The following ACTN4 variants were observed in gnomAD, a reference collection of about 807,000 sequenced individuals.
ACTN4 encodes actinin alpha 4.
A neutral mutation model predicts 114.2 loss-of-function variants in ACTN4; 18 were observed. That is an observed-to-expected ratio of 0.16 (90% CI 0.11 to 0.23). ACTN4 has a LOEUF of 0.23. Among genes scored for constraint, ACTN4 ranks in the 10% least tolerant of loss-of-function variants. ACTN4 has a pLI of 1.00. For missense variants in ACTN4, 722 were observed against 1,262.9 expected (o/e 0.57, Z 6.49); for synonymous variants, 515 against 506.3 (o/e 1.02, Z -0.23).
intron 1 of ACTN4, among the ~76,000 whole-genome samples, chr19:38,673,517 T>TTATATATATTTA (rs1967219627): frequency 3.7e-5 from 3 of 80,392 alleles, no homozygotes; most frequent in African/African-American, 8.4e-5. Context: ...GAATATATAT[T>TTATATATATTTA]TATATATATT....
intron 11 of ACTN4, among the ~76,000 whole-genome samples, chr19:38,719,918 C>T (rs1280719569): frequency 6.6e-6 from 1 of 152,332 alleles, no homozygotes; most frequent in East Asian, 1.9e-4. Context: ...GCTCAGTCTC[C>T]GGCCAGGGCC....
At chr19:38,662,413 G>A (rs1976915829) in intron 1 of ACTN4, among the ~76,000 whole-genome samples, 1 of 152,224 alleles carries the variant, frequency 6.6e-6, no homozygotes, top group Non-Finnish European at 1.5e-5. Context: ...CGTGGGTAGA[G>A]TATAACGGAG....
chr19:38,659,411 T>C (rs960017966), intron 1 of ACTN4, among the ~76,000 whole-genome samples: 3 of 152,112 alleles, frequency 2.0e-5, no homozygotes, highest in Non-Finnish European at 2.9e-5. Context: ...TAGAATTGAA[T>C]CCATTGAGAG....
At position 38,729,631 on chromosome 19, in the gene ACTN4, T is replaced by C. The variant is rs898950982; in HGVS notation, c.*199T>C. The C allele has an allele frequency of 1.0e-5, 8 of 763,136 alleles. No homozygotes were observed. Among genetic ancestry groups the C allele is most frequent in the Middle Eastern group, 2.8e-4 (1 of 3,554 alleles). The allele number at this position is 763,136 out of a possible 1,614,324, so 47.3% of individuals were successfully genotyped here. ...TGGCCAGGAGGTTCCCCCGACCAGG[T>C]TGGGGAGACTTGGGGCCAGCGCTTC... On this transcript the variant is annotated 3_prime_UTR_variant, in exon 21 of 21. Coordinates refer to ENST00000252699, the MANE Select transcript of ACTN4 (RefSeq NM_004924.6).
intron 1 of ACTN4, among the ~76,000 whole-genome samples, chr19:38,679,480 C>G (rs981440824): frequency 2.0e-5 from 3 of 152,130 alleles, no homozygotes; most frequent in Non-Finnish European, 4.4e-5. Flanking sequence ...CAGTGATTAT[C>G]AGCATTTTGC....
rs754130380 is a variant in ACTN4, at chr19:38,700,990, T to G, written c.278-12T>G. ...TGTCTCGCCCCCTCTTTTCTCTTTGTGCACTTCTCAGGGGAGCGGTTACCT... is the reference window on the plus strand; with the variant it reads ...TGTCTCGCCCCCTCTTTTCTCTTTGGGCACTTCTCAGGGGAGCGGTTACCT... On this transcript the variant is annotated splice_polypyrimidine_tract_variant and intron_variant, in intron 2 of 20. Coordinates refer to ENST00000252699, the MANE Select transcript of ACTN4 (RefSeq NM_004924.6). 79 of 1,613,290 alleles carry G rather than the reference T, an allele frequency of 4.9e-5. No homozygotes were observed. The Admixed American group carries it at 1.3e-3, about 27-fold the overall frequency.
intron 1 of ACTN4, among the ~76,000 whole-genome samples, chr19:38,656,250 C>T (rs556190995): frequency 6.6e-6 from 1 of 152,232 alleles, no homozygotes; most frequent in South Asian, 2.1e-4. Flanking sequence ...GTAGCTGGGA[C>T]TAGAGGTGCA....
intron 1 of ACTN4, among the ~76,000 whole-genome samples, chr19:38,650,839 G>A (rs943941875): frequency 3.9e-5 from 6 of 152,146 alleles, no homozygotes; most frequent in Non-Finnish European, 8.8e-5. Context: ...GGGTTCAAGC[G>A]ATTCTCCTGC....
intron 11 of ACTN4, among the ~76,000 whole-genome samples, chr19:38,721,073 C>G (rs1969022952): frequency 6.6e-6 from 1 of 152,210 alleles, no homozygotes; most frequent in Non-Finnish European, 1.5e-5. Flanking sequence ...GTGGAGAGGA[C>G]CACCACCTGT....
chr19:38,656,588 T>A (rs1976717173), intron 1 of ACTN4, among the ~76,000 whole-genome samples: 1 of 152,204 alleles, frequency 6.6e-6, no homozygotes, highest in Non-Finnish European at 1.5e-5. Flanking sequence ...ACTATCCACA[T>A]GGGGCAGAAG....
chr19:38,677,487 A>C (rs905482578), intron 1 of ACTN4, among the ~76,000 whole-genome samples: 5 of 152,024 alleles, frequency 3.3e-5, no homozygotes, highest in Admixed American at 2.0e-4. Context: ...TGGCAGATCC[A>C]TTCTGTCTTT....
At chr19:38,728,494 CG>C in intron 19 of ACTN4, 1 of 757,222 alleles carries the variant, frequency 1.3e-6, no homozygotes. Context: ...TCCTCGTCCT[CG>C]GGGACACTCC....
intron 8 of ACTN4, chr19:38,711,261 T>C (rs750666992): frequency 1.2e-5 from 12 of 1,002,148 alleles, no homozygotes; most frequent in Admixed American, 5.5e-5. Context: ...TCTCTTTCTC[T>C]CTCTCTCTGT....
intron 1 of ACTN4, among the ~76,000 whole-genome samples, chr19:38,648,739 G>A (rs1225472158): frequency 6.6e-6 from 1 of 151,914 alleles, no homozygotes; most frequent in Admixed American, 6.6e-5. Context: ...AAGAGGAATT[G>A]ATGAGGGATG....
intron 1 of ACTN4, among the ~76,000 whole-genome samples, chr19:38,676,248 A>G (rs541212359): frequency 9.8e-5 from 15 of 152,330 alleles, no homozygotes; most frequent in African/African-American, 3.6e-4. Flanking sequence ...TTGAAAATTT[A>G]TCCTGAGTTC....
At chr19:38,704,168 A>C (rs1282248190) in intron 3 of ACTN4, among the ~76,000 whole-genome samples, 6 of 152,322 alleles carry the variant, frequency 3.9e-5, no homozygotes, top group East Asian at 1.9e-4. Context: ...AAAACTAGCA[A>C]GATGTTGTGG....
At chr19:38,673,654 TTTATATATA>T (rs1300206864) in intron 1 of ACTN4, among the ~76,000 whole-genome samples, 17,994 of 64,264 alleles carry the variant, frequency 0.28, 4,640 homozygotes, top group Non-Finnish European at 0.39. Flanking sequence ...TATTTATATA[TTTATATATA>T]TTATATATAT....
chr19:38,700,812 C>T (rs1264565259), intron 2 of ACTN4, 98 bp downstream of exon 2: 2 of 1,399,348 alleles, frequency 1.4e-6, no homozygotes, highest in African/African-American at 1.4e-5. Flanking sequence ...CCCATTGCTC[C>T]TGGGGAGGAG....
intron 1 of ACTN4, among the ~76,000 whole-genome samples, chr19:38,662,626 T>C (rs1976922173): frequency 1.3e-5 from 2 of 152,156 alleles, no homozygotes; most frequent in Admixed American, 6.5e-5. Flanking sequence ...CTTTATAAAA[T>C]CAATTCAGAG....
Sources: gnomAD v4.1 joint callset for allele counts (sites outside exome capture counted in the v4.1 genomes callset) on GRCh38, gnomAD v4.1.1 for gene constraint, MANE v1.5 for transcripts, NCBI Gene and HGNC (gene_info 2026-07-23, HGNC 2026-07-21) for gene names.